Variants in DCDC1 observed in about 807,000 individuals in gnomAD.
DCDC1 encodes doublecortin domain-containing protein 1.
Under a neutral mutation model 178.3 loss-of-function variants are expected in DCDC1, and 200 were observed. The ratio of observed to expected loss-of-function variants is 1.12; its 90% CI spans 1.00 to 1.26. The LOEUF (loss-of-function observed/expected upper bound fraction) is 1.26, where lower values mean the gene tolerates loss of function less well. DCDC1 is among the 50% of genes most tolerant of loss of function. DCDC1 has a pLI of 0.00. For synonymous variants in DCDC1, 690 were observed against 604.8 expected (o/e 1.14, Z -2.07); for missense variants, 1,983 against 1,749.2 (o/e 1.13, Z -2.38).
intron 9 of DCDC1, among the ~76,000 whole-genome samples, chr11:31,213,105 CT>C (rs1460204920): frequency 2.1e-4 from 4 of 18,762 alleles, no homozygotes; most frequent in African/African-American, 6.3e-4. Flanking sequence ...CCCAGCCTCT[CT>C]CTCTCTCTCT....
At chr11:31,035,425 C>T (rs1296823883) in intron 20 of DCDC1, among the ~76,000 whole-genome samples, 3 of 152,200 alleles carry the variant, frequency 2.0e-5, no homozygotes, top group Non-Finnish European at 4.4e-5. Flanking sequence ...TCAGTAATTT[C>T]CCTTGTCTTT....
chr11:31,200,180 T>A (rs1971123970), intron 9 of DCDC1, among the ~76,000 whole-genome samples: 1 of 152,098 alleles, frequency 6.6e-6, no homozygotes, highest in Non-Finnish European at 1.5e-5. Flanking sequence ...AGGGGAATTT[T>A]AATTAAGGAA....
At chr11:30,964,545 CT>C (rs1313097817) in intron 20 of DCDC1, among the ~76,000 whole-genome samples, 1 of 152,128 alleles carries the variant, frequency 6.6e-6, no homozygotes, top group Admixed American at 6.6e-5. Context: ...CTTACAAAGA[CT>C]CCCTCAGAGG....
At chr11:31,143,412 C>T (rs1964079825) in intron 9 of DCDC1, among the ~76,000 whole-genome samples, 1 of 151,976 alleles carries the variant, frequency 6.6e-6, no homozygotes, top group South Asian at 2.1e-4. Flanking sequence ...GAACCTTGAG[C>T]AAGAAGCAGA....
intron 20 of DCDC1, among the ~76,000 whole-genome samples, chr11:30,983,089 G>A (rs1950472989): frequency 6.6e-6 from 1 of 151,892 alleles, no homozygotes; most frequent in Non-Finnish European, 1.5e-5. Context: ...TAATATAACA[G>A]GAATAGATAA....
chr11:31,184,779 G>A (rs192998824), intron 9 of DCDC1, among the ~76,000 whole-genome samples: 2 of 152,336 alleles, frequency 1.3e-5, no homozygotes, highest in African/African-American at 4.8e-5. Flanking sequence ...AGATGCTAGA[G>A]AGGATGTGGA....
chr11:31,070,574 G>A (rs986540675), intron 18 of DCDC1, among the ~76,000 whole-genome samples: 3 of 152,114 alleles, frequency 2.0e-5, no homozygotes, highest in Non-Finnish European at 4.4e-5. Flanking sequence ...TTAAATTCCA[G>A]CTATGCTATT....
chr11:31,292,202 A>G (rs1947284870), intron 6 of DCDC1, among the ~76,000 whole-genome samples: 1 of 152,178 alleles, frequency 6.6e-6, no homozygotes, highest in Non-Finnish European at 1.5e-5. Flanking sequence ...CATTTTGTAA[A>G]CTGAAATTAA....
chr11:31,213,304 T>C (rs761828605), intron 9 of DCDC1, among the ~76,000 whole-genome samples: 1 of 151,724 alleles, frequency 6.6e-6, no homozygotes, highest in Non-Finnish European at 1.5e-5. Flanking sequence ...AAATTTAGCC[T>C]TATCATTGGT....
At position 31,110,282 on chromosome 11, in the gene DCDC1, T is replaced by G. The variant is rs923977393; in HGVS notation, c.1565A>C (p.Gln522Pro). 2.8e-6 allele frequency: 2 copies of G among 716,486 alleles called. No individual in the cohort carries two copies. Among genetic ancestry groups the G allele is most frequent in the Admixed American group, 3.8e-5 (2 of 52,030 alleles). The allele number at this position is 716,486 out of a possible 1,614,324, so 44.4% of individuals were successfully genotyped here. ...CACTCTTTCCATCATATGGTCAGTT[T>G]GAATTGGGCTATCCGATCCCAAATC... Reference protein sequence around the residue: ...KKDLGSDSPIQTDHMMERLLL... With the variant: ...KKDLGSDSPIPTDHMMERLLL... The change falls in exon 12 of 39, where the codon CAA (glutamine) becomes CCA (proline). Residue 522 changes from glutamine (Q) to proline (P), a missense_variant. Coordinates refer to ENST00000684477, the MANE Select transcript of DCDC1 (RefSeq NM_001387274.1).
rs541329466 is a variant in DCDC1, at chr11:31,088,853, A to G, written c.2237+2540T>C. On this transcript the variant is annotated intron_variant, in intron 17 of 38. Coordinates refer to ENST00000684477, the MANE Select transcript of DCDC1 (RefSeq NM_001387274.1). ...GCTGGAACTACAGGTGTAGACCTTCACTGAACCTGACTAATTTTTCTATTT... is the reference window on the plus strand; with the variant it reads ...GCTGGAACTACAGGTGTAGACCTTCGCTGAACCTGACTAATTTTTCTATTT... Among the ~76,000 whole-genome samples the G allele has an allele frequency of 3.3e-5, 5 of 152,102 alleles. No homozygotes were observed. The East Asian group carries it at 5.8e-4, about 18-fold the overall frequency.
intron 23 of DCDC1, among the ~76,000 whole-genome samples, chr11:30,923,127 T>G (rs1946361436): frequency 6.6e-6 from 1 of 152,130 alleles, no homozygotes; most frequent in Non-Finnish European, 1.5e-5. Flanking sequence ...AACCCAAATC[T>G]GGTCCCCTGC....
Position 31,129,220 on chromosome 11 carries a change from G to A in DCDC1, c.1315-1581C>T, listed in dbSNP as rs1962086994. Among the ~76,000 whole-genome samples the A allele has an allele frequency of 2.0e-5, 3 of 151,998 alleles. No individual in the cohort carries two copies. The South Asian group carries it at 6.2e-4, about 32-fold the overall frequency. ...ATTTAGTTCAAGTTTATATGTATATGTATACATATAAATTTCAATTACATT... is the reference window on the plus strand; with the variant it reads ...ATTTAGTTCAAGTTTATATGTATATATATACATATAAATTTCAATTACATT... On this transcript the variant is annotated intron_variant, in intron 10 of 38. Transcript: ENST00000684477.
chr11:31,014,950 CTT>C (rs1240423918), intron 20 of DCDC1, among the ~76,000 whole-genome samples: 29 of 141,192 alleles, frequency 2.1e-4, no homozygotes, highest in Non-Finnish European at 2.2e-4. Context: ...TTCTCCTTTT[CTT>C]TTTTTTTTTT....
At chr11:30,968,730 T>TATATATATATATATATATATATAC (rs1376045539) in intron 20 of DCDC1, among the ~76,000 whole-genome samples, 3 of 132,838 alleles carry the variant, frequency 2.3e-5, no homozygotes, top group Non-Finnish European at 4.8e-5. Flanking sequence ...TATATATATA[T>TATATATATATATATATATATATAC]ATATATGGTT....
intron 9 of DCDC1, among the ~76,000 whole-genome samples, chr11:31,214,594 TC>T (rs765783883): frequency 1.3e-5 from 2 of 151,944 alleles, no homozygotes; most frequent in African/African-American, 4.8e-5. Context: ...GGCTCTGATT[TC>T]CCCCAAGGAT....
chr11:31,197,601 T>A (rs1308485241), intron 9 of DCDC1, among the ~76,000 whole-genome samples: 3 of 152,108 alleles, frequency 2.0e-5, no homozygotes, highest in Non-Finnish European at 4.4e-5. Context: ...GATTTGAGTA[T>A]CTGTATTCTC....
intron 9 of DCDC1, among the ~76,000 whole-genome samples, chr11:31,200,243 T>C (rs1971131676): frequency 6.6e-6 from 1 of 152,074 alleles, no homozygotes; most frequent in Non-Finnish European, 1.5e-5. Context: ...TGTCTAAAGA[T>C]GTGTTTTAAA....
intron 9 of DCDC1, among the ~76,000 whole-genome samples, chr11:31,201,042 T>C (rs1223225168): frequency 3.9e-5 from 6 of 151,974 alleles, no homozygotes; most frequent in Non-Finnish European, 5.9e-5. Flanking sequence ...CTTCACAGTA[T>C]CAGATGATTG....
Sources: allele counts gnomAD v4.1 joint callset (sites outside exome capture counted in the v4.1 genomes callset), GRCh38; gene constraint gnomAD v4.1.1; transcripts MANE v1.5; gene names NCBI Gene and HGNC (gene_info 2026-07-23, HGNC 2026-07-21).